Variants in PCDHA4 observed in about 807,000 individuals in gnomAD.
The protein encoded by PCDHA4 is protocadherin alpha-4.
PCDHA4 carries 49 observed loss-of-function variants against 61.4 expected under a neutral mutation model. The observed-to-expected ratio is 0.80, with a 90% CI of 0.63 to 1.01. The LOEUF is 1.01. PCDHA4 is among the 50% of genes least tolerant of loss of function. The pLI, the probability that PCDHA4 is intolerant of heterozygous loss-of-function variation, is 0.00. For synonymous variants in PCDHA4, 590 were observed against 550.3 expected (o/e 1.07, Z -1.01); for missense variants, 1,254 against 1,235.8 (o/e 1.01, Z -0.22).
intron 1 of PCDHA4, chr5:140,853,901 CCTGA>C: frequency 1.0e-6 from 1 of 961,464 alleles, no homozygotes; most frequent in African/African-American, 1.8e-5. Flanking sequence ...GATGTGGTGG[CCTGA>C]CACCTGCAAT....
intron 1 of PCDHA4, among the ~76,000 whole-genome samples, chr5:140,874,530 G>A (rs1332198120): frequency 1.3e-5 from 2 of 152,200 alleles, no homozygotes; most frequent in Admixed American, 1.3e-4. Flanking sequence ...ATGAGATTAG[G>A]CTCCAAAACC....
intron 1 of PCDHA4, chr5:140,828,357 G>C: frequency 1.2e-6 from 2 of 1,614,242 alleles, no homozygotes; most frequent in Non-Finnish European, 1.7e-6. Context: ...GTGAATTCTC[G>C]GATCGACCGC....
At chr5:140,990,029 A>G (rs1343846819) in intron 3 of PCDHA4, among the ~76,000 whole-genome samples, 1 of 152,146 alleles carries the variant, frequency 6.6e-6, no homozygotes, top group African/African-American at 2.4e-5. Context: ...AAAGGATGGG[A>G]GAAGTCAGTC....
At chr5:140,818,474 GT>G (rs1766369825) in intron 1 of PCDHA4, among the ~76,000 whole-genome samples, 1 of 152,132 alleles carries the variant, frequency 6.6e-6, no homozygotes, top group South Asian at 2.1e-4. Flanking sequence ...CTCCCACAAA[GT>G]TTTCACTCAC....
At chr5:140,923,495 C>T (rs1274980788) in intron 1 of PCDHA4, among the ~76,000 whole-genome samples, 2 of 152,060 alleles carry the variant, frequency 1.3e-5, no homozygotes, top group African/African-American at 4.8e-5. Context: ...CACCACTGCA[C>T]TCCAGCCTGG....
chr5:140,955,658 AT>A (rs1187332497), intron 1 of PCDHA4, among the ~76,000 whole-genome samples: 1 of 152,156 alleles, frequency 6.6e-6, no homozygotes, highest in African/African-American at 2.4e-5. Flanking sequence ...ACACATATGA[AT>A]TTTAACATAG....
chr5:140,848,776 A>G (rs2150250036), intron 1 of PCDHA4: 1 of 1,593,226 alleles, frequency 6.3e-7, no homozygotes, highest in East Asian at 2.2e-5. Flanking sequence ...GACCGCGAGG[A>G]GCTGTGCGGG....
chr5:140,923,343 T>C (rs1251719779), intron 1 of PCDHA4, among the ~76,000 whole-genome samples: 1 of 152,122 alleles, frequency 6.6e-6, no homozygotes, highest in African/African-American at 2.4e-5. Flanking sequence ...TTGGGCAACA[T>C]AGTGGGACCC....
At chr5:140,966,631 G>A in intron 1 of PCDHA4, 1 of 995,532 alleles carries the variant, frequency 1.0e-6, no homozygotes, top group Non-Finnish European at 1.4e-6. Flanking sequence ...AGCGGCCCCA[G>A]GCGCTTTCTA....
At chr5:140,824,619 T>TTTTTTTTTTTTG (rs1768250540) in intron 1 of PCDHA4, 2 of 129,516 alleles carry the variant, frequency 1.5e-5, no homozygotes, top group African/African-American at 3.5e-5. Flanking sequence ...AGTTTTTTTT[T>TTTTTTTTTTTTG]TTTTTTTTTT....
intron 1 of PCDHA4, among the ~76,000 whole-genome samples, chr5:140,890,662 C>T (rs75284753): frequency 0.011 from 1,622 of 152,252 alleles, 17 homozygotes; most frequent in African/African-American, 0.028. Flanking sequence ...CAAAAGTTAA[C>T]TGAAACCCTT....
intron 1 of PCDHA4, chr5:140,929,432 T>C: frequency 1.4e-6 from 2 of 1,474,372 alleles, no homozygotes; most frequent in Non-Finnish European, 1.8e-6. Flanking sequence ...TCAATTGAAC[T>C]AAACACTCCT....
rs2150379326 is a variant in PCDHA4, at chr5:140,845,496, G to C, written c.2385+35924G>C. ...GGGGTTGTGCTTTCACAGTGAGAAA[G>C]TCTAAACCTATTTCTTGTACATTAA... On this transcript the variant is annotated intron_variant, in intron 1 of 3. Transcript: ENST00000530339. Among the ~76,000 whole-genome samples, 24 of 149,650 alleles carry C rather than the reference G, an allele frequency of 1.6e-4. 3 individuals are homozygous for C. Among genetic ancestry groups the C allele is most frequent in the Non-Finnish European group, 3.4e-4 (23 of 66,862 alleles).
intron 1 of PCDHA4, chr5:140,928,095 G>A (rs782045221): frequency 6.2e-7 from 1 of 1,614,190 alleles, no homozygotes; most frequent in African/African-American, 1.3e-5. Flanking sequence ...TGATTGATGG[G>A]CCCCTGGACC....
chr5:140,830,098 G>T, intron 1 of PCDHA4: 1 of 1,613,644 alleles, frequency 6.2e-7, no homozygotes, highest in African/African-American at 1.3e-5. Flanking sequence ...TGGTGTCGCT[G>T]GTGGAGAGTG....
At chr5:140,862,291 C>G (rs1029513176) in intron 1 of PCDHA4, 4 of 265,238 alleles carry the variant, frequency 1.5e-5, no homozygotes, top group African/African-American at 6.6e-5. Context: ...TACAGGAGGA[C>G]GCTCCACTGG....
intron 3 of PCDHA4, among the ~76,000 whole-genome samples, chr5:140,993,102 C>T (rs979360910): frequency 2.6e-5 from 4 of 152,272 alleles, no homozygotes; most frequent in South Asian, 4.1e-4. Flanking sequence ...GTTTATTCAG[C>T]GGTCAGTGTC....
In PCDHA4 at chr5:140,970,051, C is replaced by T. The variant is rs915260486; in HGVS notation, c.2386-8898C>T. 4.0e-5 allele frequency among the ~76,000 whole-genome samples: 6 copies of T among 151,880 alleles called. No individual in the cohort carries two copies. The South Asian group carries it at 1.2e-3, about 32-fold the overall frequency. On this transcript the variant is annotated intron_variant, in intron 1 of 3. Coordinates refer to ENST00000530339, the MANE Select transcript of PCDHA4 (RefSeq NM_018907.4). Reference sequence around the variant, plus strand: ...TTAAGTACCAATTTGTCTGGTTGGTCCAGGGAGGTATTAGAATGAGTGGAT... The same window carrying T: ...TTAAGTACCAATTTGTCTGGTTGGTTCAGGGAGGTATTAGAATGAGTGGAT...
chr5:140,944,569 G>A (rs2093670092), intron 1 of PCDHA4, among the ~76,000 whole-genome samples: 1 of 152,158 alleles, frequency 6.6e-6, no homozygotes, highest in African/African-American at 2.4e-5. Context: ...GCAACTTACT[G>A]TAGAGATCAC....
Sources: gnomAD v4.1 joint callset for allele counts (sites outside exome capture counted in the v4.1 genomes callset) on GRCh38, gnomAD v4.1.1 for gene constraint, MANE v1.5 for transcripts, NCBI Gene and HGNC (gene_info 2026-07-23, HGNC 2026-07-21) for gene names.